Variants in GABBR2 observed in about 807,000 individuals in gnomAD.
The protein encoded by GABBR2 is G-protein coupled receptor 51.
Under a neutral mutation model 105.6 loss-of-function variants are expected in GABBR2, and 23 were observed. The ratio of observed to expected loss-of-function variants is 0.22; its 90% CI spans 0.16 to 0.31. GABBR2 has a LOEUF of 0.31. Ranked by LOEUF, GABBR2 falls within the 10% of genes least tolerant of loss-of-function variation. The pLI is 1.00. For synonymous variants in GABBR2, 478 were observed against 499.7 expected, an observed-to-expected ratio of 0.96 and a Z score of 0.58; for missense variants, 734 against 1,245.5, an observed-to-expected ratio of 0.59 and a Z score of 6.18.
intron 7 of GABBR2, among the ~76,000 whole-genome samples, chr9:98,416,865 T>C (rs1400080429): frequency 1.3e-5 from 2 of 152,204 alleles, no homozygotes; most frequent in Non-Finnish European, 2.9e-5. Flanking sequence ...AAATCCCCTC[T>C]GTTTGAAATG....
intron 7 of GABBR2, among the ~76,000 whole-genome samples, chr9:98,410,505 C>CT (rs5899341): frequency 0.077 from 9,704 of 126,450 alleles, 1,272 homozygotes; most frequent in African/African-American, 0.27. Context: ...GAGGGAAAAG[C>CT]TTTTTTTTTT....
chr9:98,410,121 T>G (rs907783343), intron 7 of GABBR2, among the ~76,000 whole-genome samples: 1 of 127,888 alleles, frequency 7.8e-6, no homozygotes, highest in Non-Finnish European at 1.5e-5. Context: ...TGAGCTGGAA[T>G]TTTTTTTTTT....
intron 4 of GABBR2, among the ~76,000 whole-genome samples, chr9:98,490,521 T>G (rs1827155567): frequency 6.6e-6 from 1 of 152,234 alleles, no homozygotes; most frequent in Non-Finnish European, 1.5e-5. Context: ...AAAGATTTTC[T>G]TTAAAAGTTC....
intron 3 of GABBR2, among the ~76,000 whole-genome samples, chr9:98,500,768 G>C (rs111520538): frequency 1.3e-5 from 2 of 152,122 alleles, no homozygotes; most frequent in Non-Finnish European, 2.9e-5. Flanking sequence ...ATGTGAGTTC[G>C]TGCCAGAAAG....
chr9:98,629,351 A>G (rs1829787571), intron 1 of GABBR2, among the ~76,000 whole-genome samples: 4 of 152,224 alleles, frequency 2.6e-5, no homozygotes, highest in Admixed American at 2.6e-4. Context: ...TCTTCTCCTT[A>G]TTTATACCTA....
At chr9:98,353,836 G>A (rs1190598251) in intron 13 of GABBR2, among the ~76,000 whole-genome samples, 1 of 152,040 alleles carries the variant, frequency 6.6e-6, no homozygotes, top group Admixed American at 6.5e-5. Context: ...CCCCCATGCT[G>A]TTCTCATGAT....
At chr9:98,497,135 C>A (rs1827296493) in intron 3 of GABBR2, among the ~76,000 whole-genome samples, 1 of 152,184 alleles carries the variant, frequency 6.6e-6, no homozygotes, top group Non-Finnish European at 1.5e-5. Flanking sequence ...TGGGCGTGGG[C>A]TCACACCTGT....
intron 1 of GABBR2, among the ~76,000 whole-genome samples, chr9:98,674,989 T>C (rs1830456004): frequency 6.6e-6 from 1 of 152,076 alleles, no homozygotes; most frequent in South Asian, 2.1e-4. Flanking sequence ...AAAGTGAAAG[T>C]TCAGCTGGCC....
At chr9:98,475,150 C>G (rs928882378) in intron 5 of GABBR2, among the ~76,000 whole-genome samples, 14 of 152,158 alleles carry the variant, frequency 9.2e-5, no homozygotes, top group Non-Finnish European at 2.1e-4. Context: ...ATTTTAGACA[C>G]TGTACTTCTC....
intron 6 of GABBR2, among the ~76,000 whole-genome samples, chr9:98,455,502 T>C (rs1260417733): frequency 6.6e-6 from 1 of 152,192 alleles, no homozygotes; most frequent in Non-Finnish European, 1.5e-5. Context: ...AGTCAGTCTA[T>C]AGCCTGAGGC....
intron 11 of GABBR2, among the ~76,000 whole-genome samples, chr9:98,384,568 C>G (rs1450529121): frequency 1.3e-5 from 2 of 151,416 alleles, no homozygotes; most frequent in East Asian, 3.9e-4. Flanking sequence ...CCAGCCTGGG[C>G]AACAAGAGTG....
chr9:98,593,541 C>T (rs1337643631), intron 1 of GABBR2, among the ~76,000 whole-genome samples: 1 of 152,122 alleles, frequency 6.6e-6, no homozygotes, highest in Non-Finnish European at 1.5e-5. Context: ...GCCACCAGGA[C>T]CCCCTGAGGT....
At chr9:98,485,362 A>T (rs1827021738) in intron 4 of GABBR2, among the ~76,000 whole-genome samples, 3 of 152,248 alleles carry the variant, frequency 2.0e-5, no homozygotes, top group Non-Finnish European at 4.4e-5. Flanking sequence ...GAGGCCCACT[A>T]AACTCCCTCT....
intron 13 of GABBR2, among the ~76,000 whole-genome samples, chr9:98,345,414 A>T (rs1276833553): frequency 6.6e-6 from 1 of 152,242 alleles, no homozygotes; most frequent in Non-Finnish European, 1.5e-5. Flanking sequence ...CCTCAAAGGC[A>T]TCCTCAGTTT....
At chr9:98,628,426 G>A (rs1158387906) in intron 1 of GABBR2, among the ~76,000 whole-genome samples, 1 of 152,330 alleles carries the variant, frequency 6.6e-6, no homozygotes, top group Non-Finnish European at 1.5e-5. Context: ...TTTCTGAAGT[G>A]ACAGCCTTCC....
intron 1 of GABBR2, among the ~76,000 whole-genome samples, chr9:98,612,820 C>T (rs1174434622): frequency 6.6e-6 from 1 of 152,164 alleles, no homozygotes; most frequent in Non-Finnish European, 1.5e-5. Flanking sequence ...TGAGAATTCT[C>T]TGGGGTAACA....
At chr9:98,327,697 C>T (rs1174201304) in intron 13 of GABBR2, among the ~76,000 whole-genome samples, 4 of 151,662 alleles carry the variant, frequency 2.6e-5, no homozygotes, top group Admixed American at 6.6e-5. Flanking sequence ...GGTGAAACCC[C>T]GTCTCTACTA....
chr9:98,382,792 G>C (rs1452776474), intron 11 of GABBR2, among the ~76,000 whole-genome samples: 1 of 152,178 alleles, frequency 6.6e-6, no homozygotes, highest in African/African-American at 2.4e-5. Context: ...TAAATAAATT[G>C]TATGCCCATG....
intron 1 of GABBR2, among the ~76,000 whole-genome samples, chr9:98,651,993 G>A (rs941461878): frequency 2.0e-5 from 3 of 152,170 alleles, no homozygotes; most frequent in Non-Finnish European, 4.4e-5. Context: ...GGGAGAAGAG[G>A]AAATGAATTG....
Sources: gnomAD v4.1 joint callset for allele counts (sites outside exome capture counted in the v4.1 genomes callset) on GRCh38, gnomAD v4.1.1 for gene constraint, MANE v1.5 for transcripts, NCBI Gene and HGNC (gene_info 2026-07-23, HGNC 2026-07-21) for gene names.